The following AMOTL2 variants were observed in gnomAD, a reference collection of about 807,000 sequenced individuals.
AMOTL2 encodes angiomotin like 2.
AMOTL2 carries 33 observed loss-of-function variants against 78.4 expected under a neutral mutation model. The observed-to-expected ratio is 0.42, with a 90% confidence interval of 0.32 to 0.56. The LOEUF (loss-of-function observed/expected upper bound fraction) is 0.56. AMOTL2 is among the 20% of genes least tolerant of loss of function. AMOTL2 has a pLI of 0.12. For synonymous variants in AMOTL2, 422 were observed against 428.8 expected (o/e 0.98, Z 0.20); for missense variants, 983 against 1,030.1 (o/e 0.95, Z 0.63).
Position 134,370,724 on chromosome 3 carries a change from G to A in AMOTL2, c.710C>T (p.Pro237Leu), listed in dbSNP as rs1325267159. 8.6e-6 allele frequency: 13 copies of A among 1,510,450 alleles called. No individual in the cohort carries two copies. Among genetic ancestry groups the A allele is most frequent in the South Asian group, 4.0e-5 (3 of 74,140 alleles). The allele number at this position is 1,510,450 out of a possible 1,614,324, so 93.6% of individuals were successfully genotyped here. The change falls in exon 2 of 10, where the codon CCG becomes CTG. Residue 237 changes from proline (P) to leucine (L), a missense_variant. Transcript: ENST00000249883. ...TDPRYRARGS[P>L]HFQHAEVRIL... ...CCTGACTTCAGCATGCTGGAAGTGCGGGCTGCCGCGGGCACGGTACCGTGG... is the reference window on the plus strand; with the variant it reads ...CCTGACTTCAGCATGCTGGAAGTGCAGGCTGCCGCGGGCACGGTACCGTGG...
At position 134,358,374 on chromosome 3, in the gene AMOTL2, TTGAGGTG is replaced by T. The variant is rs2017167720; in HGVS notation, c.2284+159_2284+165del. Among the ~76,000 whole-genome samples, 4 of 152,384 alleles carry T rather than the reference TTGAGGTG, an allele frequency of 2.6e-5. No homozygotes were observed. In the East Asian group the frequency reaches 5.8e-4, roughly 22 times the overall value. On this transcript the variant is annotated intron_variant, in intron 9 of 9. Coordinates refer to ENST00000249883, the MANE Select transcript of AMOTL2 (RefSeq NM_016201.4). ...CAACCAGCCATCCCTCATGTTCACA[TTGAGGTG>T]GGCCAGGCACCCTGCTCACCTCTGG...
At chr3:134,364,686 C>G (rs1056583897) in intron 5 of AMOTL2, among the ~76,000 whole-genome samples, 10 of 151,990 alleles carry the variant, frequency 6.6e-5, no homozygotes, top group Non-Finnish European at 1.0e-4. Flanking sequence ...GTCTTTGAAC[C>G]CTCTTTGAAG....
chr3:134,373,669 C>G (rs1469599938), intron 1 of AMOTL2: 1 of 985,414 alleles, frequency 1.0e-6, no homozygotes, highest in Non-Finnish European at 1.2e-6. Flanking sequence ...CCCGCCCCAC[C>G]ACGAGCCCGG....
chr3:134,371,553 G>A (rs1339801679), intron 1 of AMOTL2, 59 bp from the exon 2 acceptor site: 1 of 1,514,116 alleles, frequency 6.6e-7, no homozygotes, highest in Non-Finnish European at 8.8e-7. Flanking sequence ...CATGGGAAAG[G>A]AGAAGGCTTT....
chr3:134,366,318 A>G lies in AMOTL2; in HGVS notation c.1151T>C (p.Met384Thr). ...KTMRNKMDSE[M>T]RRLQDFNRDL... ...CCGGTTGAAGTCTTGCAGCCTCCTC[A>G]TTTCACTGTCCATCTTGTTCCGCAT... is the stretch of plus-strand genomic sequence containing the variant. The change falls in exon 4 of 10, where the codon ATG (methionine) becomes ACG (threonine). Residue 384 changes from methionine to threonine, a missense_variant. Physicochemically the swap from Met to Thr is moderately conservative, Grantham distance 81 (BLOSUM62 -1). Transcript: ENST00000249883. 6.2e-7 allele frequency: 1 copy of G among 1,614,024 alleles called. No homozygotes were observed. Among genetic ancestry groups the G allele is most frequent in the Non-Finnish European group, 8.5e-7 (1 of 1,179,992 alleles).
rs1360342583 is a variant in AMOTL2 at position 134,357,565 on chromosome 3, G to A, written c.*140C>T. 5.6e-6 allele frequency: 5 copies of A among 896,158 alleles called. No individual in the cohort carries two copies. The highest frequency in any genetic ancestry group is 9.2e-6 in the Non-Finnish European group (5 of 543,316). The allele number at this position is 896,158 out of a possible 1,614,324, so 55.5% of individuals were successfully genotyped here. A position where few individuals can be genotyped will look rare whatever the true frequency, so the allele number is the denominator to read the frequency against. On this transcript the variant is annotated 3_prime_UTR_variant, in exon 10 of 10. Transcript: ENST00000249883. ...CTGGGGTCCTCCTCCTGAGCTCCTG[G>A]GACCAGATGGTCAATGGGAATGAGT...
upstream of AMOTL2, chr3:134,374,874 T>C (rs887694559): frequency 6.4e-6 from 8 of 1,244,120 alleles, no homozygotes; most frequent in African/African-American, 1.2e-4. Flanking sequence ...ACGCGTGTCC[T>C]GGGGTTGCTG....
At chr3:134,370,614 A>G (rs1048602798) in intron 2 of AMOTL2, 86 bp downstream of exon 2, 6 of 1,457,276 alleles carry the variant, frequency 4.1e-6, no homozygotes, top group Non-Finnish European at 5.5e-6. Context: ...GCTCTGACAC[A>G]AGCTGTGATC....
chr3:134,367,392 A>G, intron 3 of AMOTL2, 105 bp downstream of exon 3: 1 of 1,358,902 alleles, frequency 7.4e-7, no homozygotes, highest in South Asian at 1.3e-5. Flanking sequence ...AAATCCAGCC[A>G]AACAGTTTTC....
At chr3:134,367,041 G>A (rs1377588973) in intron 3 of AMOTL2, among the ~76,000 whole-genome samples, 3 of 152,198 alleles carry the variant, frequency 2.0e-5, no homozygotes, top group Admixed American at 6.5e-5. Flanking sequence ...GGCAGGTTCC[G>A]CACGTGCTCT....
upstream of AMOTL2, chr3:134,374,559 A>G: frequency 1.0e-6 from 1 of 985,490 alleles, no homozygotes; most frequent in Non-Finnish European, 1.2e-6. Context: ...CGAACCACAA[A>G]TAACCTCTCA....
Position 134,371,493 on chromosome 3 carries a change from A to C in AMOTL2, c.-60T>G. ...GGCCGGTGGCACCTGGCCCCAGAGCACCTGGAGTGGGGTGGGGAGAGAGAG... is the reference window on the plus strand; with the variant it reads ...GGCCGGTGGCACCTGGCCCCAGAGCCCCTGGAGTGGGGTGGGGAGAGAGAG... On this transcript the variant is annotated splice_region_variant and 5_prime_UTR_variant, in exon 2 of 10. Transcript: ENST00000249883. The C allele has an allele frequency of 6.3e-7, 1 of 1,587,258 alleles. No homozygotes were observed. The highest frequency in any genetic ancestry group is 8.5e-7 in the Non-Finnish European group (1 of 1,170,658).
chr3:134,370,156 T>C (rs764066872), intron 2 of AMOTL2, among the ~76,000 whole-genome samples: 14 of 152,174 alleles, frequency 9.2e-5, no homozygotes, highest in Non-Finnish European at 1.8e-4. Context: ...AGGGAGCATA[T>C]GGCAGGAAAT....
intron 1 of AMOTL2, chr3:134,374,128 G>T: frequency 1.5e-6 from 1 of 670,754 alleles, no homozygotes; most frequent in Non-Finnish European, 1.8e-6. Context: ...CGTTTCTAGA[G>T]CCCCGCAAAG....
intron 9 of AMOTL2, 32 bp downstream of exon 9, chr3:134,358,508 C>G: frequency 6.2e-7 from 1 of 1,601,448 alleles, no homozygotes; most frequent in South Asian, 1.1e-5. Flanking sequence ...CTCGGCCCTA[C>G]CTAGCACAGA....
Position 134,371,051 on chromosome 3 carries a change from G to A in AMOTL2, c.383C>T (p.Ala128Val), listed in dbSNP as rs952660207. Reference protein sequence around the residue: ...AAQQAGTRPHAGDRDPRGAPG... With the variant: ...AAQQAGTRPHVGDRDPRGAPG... Reference sequence around the variant, plus strand: ...GGCCCCACGGGGATCTCGGTCCCCCGCATGTGGCCGGGTCCCTGCCTGCTG... The same window carrying A: ...GGCCCCACGGGGATCTCGGTCCCCCACATGTGGCCGGGTCCCTGCCTGCTG... Residue 128 changes from alanine to valine, a missense_variant, in exon 2 of 10, where the codon GCG (alanine) becomes GTG (valine). Coordinates refer to ENST00000249883, the MANE Select transcript of AMOTL2 (RefSeq NM_016201.4). The A allele has an allele frequency of 3.1e-6, 5 of 1,608,816 alleles. No individual in the cohort carries two copies. The highest frequency in any genetic ancestry group is 1.3e-5 in the African/African-American group (1 of 74,964).
intron 1 of AMOTL2, 170 bp from the exon 2 acceptor site, chr3:134,371,664 C>T (rs1256149488): frequency 9.5e-7 from 1 of 1,050,028 alleles, no homozygotes; most frequent in Non-Finnish European, 1.3e-6. Flanking sequence ...CTGCCATCTA[C>T]TGATTAAGAC....
intron 6 of AMOTL2, among the ~76,000 whole-genome samples, chr3:134,361,272 C>T (rs1460360077): frequency 6.6e-6 from 1 of 152,206 alleles, no homozygotes; most frequent in Non-Finnish European, 1.5e-5. Flanking sequence ...ACAGGAGTCC[C>T]CCGAGGCTGG....
intron 5 of AMOTL2, among the ~76,000 whole-genome samples, chr3:134,364,634 T>G (rs1220740605): frequency 6.6e-6 from 1 of 151,840 alleles, no homozygotes; most frequent in Non-Finnish European, 1.5e-5. Context: ...TGCCCCACCC[T>G]GTCAATTCCT....
Sources: gnomAD v4.1 joint callset for allele counts (sites outside exome capture counted in the v4.1 genomes callset) on GRCh38, gnomAD v4.1.1 for gene constraint, MANE v1.5 for transcripts, NCBI Gene and HGNC (gene_info 2026-07-23, HGNC 2026-07-21) for gene names.